Variants in MINK1 observed in about 807,000 individuals in gnomAD.
The protein encoded by MINK1 is misshapen-like kinase 1.
Under a neutral mutation model 178.4 loss-of-function variants are expected in MINK1, and 46 were observed. The ratio of observed to expected loss-of-function variants is 0.26; its 90% CI spans 0.20 to 0.33. The LOEUF (loss-of-function observed/expected upper bound fraction) is 0.33. MINK1 is among the 10% of genes least tolerant of loss of function. The probability of loss-of-function intolerance (pLI) is 1.00; values close to 1 mark genes in which losing one functional copy is unlikely to be tolerated. For missense variants in MINK1, 1,366 were observed against 1,814.9 expected, an observed-to-expected ratio of 0.75 and a Z score of 4.49; for synonymous variants, 797 against 709.7, an observed-to-expected ratio of 1.12 and a Z score of -1.96.
At chr17:4,869,968 C>T (rs1382244085) in intron 1 of MINK1, among the ~76,000 whole-genome samples, 2 of 149,456 alleles carry the variant, frequency 1.3e-5, no homozygotes, top group East Asian at 3.9e-4. Flanking sequence ...AATGCAGTGG[C>T]GTGAACTCAG....
rs1358960432 is a variant in MINK1 at position 4,889,729 on chromosome 17, GGGA to G, written c.1321_1323del (p.Glu441del). Reference sequence around the variant, plus strand: ...CTGGAGGACATGCAGGCTCTGCGGCGGGAGGAGGAGCGGCGGCAGGCGGAGCGC... The same window carrying G: ...CTGGAGGACATGCAGGCTCTGCGGCGGGAGGAGCGGCGGCAGGCGGAGCGC... On this transcript the variant is annotated inframe_deletion, in exon 13 of 32. Coordinates refer to ENST00000355280, the MANE Select transcript of MINK1 (RefSeq NM_153827.5). The G allele has an allele frequency of 6.5e-7, 1 of 1,549,026 alleles. No individual in the cohort carries two copies. The highest frequency in any genetic ancestry group is 2.4e-5 in the East Asian group (1 of 41,202).
At position 4,895,531 on chromosome 17, in the gene MINK1, A is replaced by G. The variant is rs745484259; in HGVS notation, c.3229+38A>G. 3.2e-6 allele frequency: 5 copies of G among 1,554,184 alleles called. No individual in the cohort carries two copies. The highest frequency in any genetic ancestry group is 4.4e-6 in the Non-Finnish European group (5 of 1,146,134). On this transcript the variant is annotated intron_variant, in intron 26 of 31. Coordinates refer to ENST00000355280, the MANE Select transcript of MINK1 (RefSeq NM_153827.5). The surrounding 1 kb of genome is among the most constrained non-coding windows in gnomAD (Gnocchi z 4.3). Reference sequence around the variant, plus strand: ...TGAGTGGGGGAGGGAGGAGGGGCTCAGCTCCTTGGCGCTGTCACCATCTTC... The same window carrying G: ...TGAGTGGGGGAGGGAGGAGGGGCTCGGCTCCTTGGCGCTGTCACCATCTTC...
chr17:4,897,156 A>AC (rs535101918), intron 31 of MINK1, 48 bp from the exon 32 acceptor site: 289 of 1,512,804 alleles, frequency 1.9e-4, no homozygotes, highest in East Asian at 5.0e-4. Flanking sequence ...CAGTTGAGAC[A>AC]CCCCCCCAAC....
chr17:4,891,044 G>C lies in MINK1; in HGVS notation c.1660G>C (p.Ala554Pro), dbSNP rs539350895. ...GGGGCCTGAGCCCCCCATCCCCCAG[G>C]CCTCCCCAGGGCCCCCAGGACCCCT... ...STGPEPPIPQ[A>P]SPGPPGPLSQ... Residue 554 changes from alanine to proline, a missense_variant, in exon 15 of 32, where the codon GCC becomes CCC. By Grantham distance (27) the Ala-to-Pro change is conservative. This residue lies in a region of MINK1 where 709 missense variants were observed against 692.3 expected (regional missense o/e 1.02). Coordinates refer to ENST00000355280, the MANE Select transcript of MINK1 (RefSeq NM_153827.5). 69 of 1,555,632 alleles carry C rather than the reference G, an allele frequency of 4.4e-5. No homozygotes were observed. In the East Asian group the frequency reaches 1.2e-3, roughly 27 times the overall value.
At chr17:4,844,228 T>C (rs1445997941) in intron 1 of MINK1, among the ~76,000 whole-genome samples, 1 of 152,114 alleles carries the variant, frequency 6.6e-6, no homozygotes, top group African/African-American at 2.4e-5. Flanking sequence ...CTCGAACTCC[T>C]GACCTCAGGT....
intron 1 of MINK1, among the ~76,000 whole-genome samples, chr17:4,835,635 CAAAACAAAACAAAAA>C (rs1382817948): frequency 4.0e-5 from 6 of 151,450 alleles, no homozygotes; most frequent in Admixed American, 3.9e-4. Context: ...TTAAACAAAA[CAAAACAAAACAAAAA>C]AACGGGGCGG....
Position 4,885,707 on chromosome 17 carries a change from G to T in MINK1, c.639+94G>T. On this transcript the variant is annotated intron_variant, in intron 7 of 31. Transcript: ENST00000355280. The surrounding 1 kb of genome is among the most constrained non-coding windows in gnomAD (Gnocchi z 5.0). ...TGAGCAGGCTGGGGAACAGAGGAAG[G>T]TCAGATGATGTTAGCAGTGAGGGGC... 6.5e-7 allele frequency: 1 copy of T among 1,538,522 alleles called. No individual in the cohort carries two copies. Among genetic ancestry groups the T allele is most frequent in the Admixed American group, 1.8e-5 (1 of 55,222 alleles).
In MINK1 at chr17:4,886,157, C is replaced by T; in HGVS notation, c.732C>T (p.Leu244=). Residue 244 remains leucine (L), a synonymous_variant, in exon 9 of 32, where the codon CTC becomes CTT. Transcript: ENST00000355280. The surrounding 1 kb of genome is among the most constrained non-coding windows in gnomAD (Gnocchi z 6.1). ...CDMHPMRALF[L]IPRNPPPRLK... is the part of the protein sequence containing the mutation. ...TGCACCCCATGCGAGCCCTCTTCCT[C>T]ATTCCTCGGAACCCTCCGCCCAGGC... 1 of 1,614,002 alleles carries T rather than the reference C, an allele frequency of 6.2e-7. No homozygotes were observed. Among genetic ancestry groups the T allele is most frequent in the Non-Finnish European group, 8.5e-7 (1 of 1,179,890 alleles).
rs1172194040 is a variant in MINK1 at position 4,896,588 on chromosome 17, GGTGA to G, written c.3775+6_3775+9del. 36 of 1,613,808 alleles carry G rather than the reference GGTGA, an allele frequency of 2.2e-5. No homozygotes were observed. The East Asian group carries it at 4.5e-4, about 20-fold the overall frequency. ...GTGGGGGGAGATGCCTACTTCTGTG[GGTGA>G]GTGAGCTGCCGCCCTCCCAGCCACA... On this transcript the variant is annotated splice_donor_variant and splice_donor_region_variant and intron_variant, in intron 30 of 31. Transcript: ENST00000355280. LOFTEE classifies it high-confidence loss of function. This position sits in a 1 kb window ranked among gnomAD's most constrained non-coding sequence, Gnocchi z 4.6.
intron 1 of MINK1, among the ~76,000 whole-genome samples, chr17:4,871,783 C>CT (rs1324249991): frequency 6.6e-6 from 1 of 152,178 alleles, no homozygotes; most frequent in Non-Finnish European, 1.5e-5. Flanking sequence ...ATTTTACATT[C>CT]CCAGCAGCAG....
At chr17:4,891,398 C>G (rs532751964) in intron 15 of MINK1, 58 bp from the exon 16 acceptor site, 1 of 1,506,138 alleles carries the variant, frequency 6.6e-7, no homozygotes, top group East Asian at 2.3e-5. Context: ...GACCCCAATT[C>G]GCAGGTGGGG....
chr17:4,844,424 A>G (rs949222971), intron 1 of MINK1, among the ~76,000 whole-genome samples: 1 of 152,188 alleles, frequency 6.6e-6, no homozygotes, highest in African/African-American at 2.4e-5. Flanking sequence ...GACTTTTGGA[A>G]TATGGCCTGT....
In MINK1 at chr17:4,896,971, T is replaced by A; in HGVS notation, c.3915+158T>A. The stretch of plus-strand genomic sequence containing the variant: ...GTCAGCCACTACCACTGCCCTGCGC[T>A]CCCTTCAGATTCCGAGGACTTCCCA... On this transcript the variant is annotated intron_variant, in intron 31 of 31. Transcript: ENST00000355280. This position sits in a 1 kb window ranked among gnomAD's most constrained non-coding sequence, Gnocchi z 4.6. 9.1e-7 allele frequency: 1 copy of A among 1,092,922 alleles called. No homozygotes were observed. Among genetic ancestry groups the A allele is most frequent in the Non-Finnish European group, 1.3e-6 (1 of 777,156 alleles). The allele number at this position is 1,092,922 out of a possible 1,614,324, so 67.7% of individuals were successfully genotyped here.
At chr17:4,835,700 T>C (rs912244961) in intron 1 of MINK1, among the ~76,000 whole-genome samples, 2 of 152,186 alleles carry the variant, frequency 1.3e-5, no homozygotes, top group African/African-American at 4.8e-5. Flanking sequence ...TGTGGGACTC[T>C]GCTTGGGTTT....
intron 1 of MINK1, chr17:4,859,034 G>A (rs529136088): frequency 2.7e-6 from 2 of 732,214 alleles, no homozygotes; most frequent in East Asian, 2.6e-4. Flanking sequence ...TTCCTGTCAG[G>A]GGTAGGATGG....
Position 4,897,208 on chromosome 17 carries a change from T to C in MINK1, c.3920T>C (p.Phe1307Ser). Residue 1307 changes from phenylalanine (F) to serine (S), a missense_variant, in exon 32 of 32, where the codon TTT (phenylalanine) becomes TCT (serine). Phe to Ser is a radical substitution (Grantham distance 155). Transcript: ENST00000355280. Reference sequence around the variant, plus strand: ...TTCTTCTCCTGCCCCACCCAGGTGTTTTTTGCCTCAGTCCGCTCTGGGGGC... The same window carrying C: ...TTCTTCTCCTGCCCCACCCAGGTGTCTTTTGCCTCAGTCCGCTCTGGGGGC... The part of the protein sequence containing the change: ...KFLCERNDKV[F>S]FASVRSGGSS... The C allele has an allele frequency of 6.2e-7, 1 of 1,613,398 alleles. No individual in the cohort carries two copies. Among genetic ancestry groups the C allele is most frequent in the Non-Finnish European group, 8.5e-7 (1 of 1,179,618 alleles).
rs765976952 is a variant in MINK1 at position 4,890,953 on chromosome 17, A to G, written c.1569A>G (p.Val523=). ...PADKPAWARE[V]EERTRMNKQQ... The stretch of plus-strand genomic sequence containing the variant: ...CTTGACATCCCTTCACATCACAGGT[A>G]GAAGAGAGAACAAGGATGAACAAGC... Residue 523 remains valine, a splice_region_variant and synonymous_variant, in exon 15 of 32, where the codon GTA becomes GTG. Coordinates refer to ENST00000355280, the MANE Select transcript of MINK1 (RefSeq NM_153827.5). 4.4e-5 allele frequency: 69 copies of G among 1,554,864 alleles called. No individual in the cohort carries two copies. Among genetic ancestry groups the G allele is most frequent in the Non-Finnish European group, 5.8e-5 (67 of 1,148,948 alleles).
In MINK1 at chr17:4,894,645, AG is replaced by A; in HGVS notation, c.2917+14del. 6.3e-7 allele frequency: 1 copy of A among 1,582,606 alleles called. No homozygotes were observed. Among genetic ancestry groups the A allele is most frequent in the South Asian group, 1.1e-5 (1 of 87,656 alleles). ...CATCCCCATCACAGGTGAGGACAGGAGGACAGACCTGCTGTGAGGCCAGGGT... is the reference window on the plus strand; with the variant it reads ...CATCCCCATCACAGGTGAGGACAGGAGACAGACCTGCTGTGAGGCCAGGGT... On this transcript the variant is annotated intron_variant, in intron 24 of 31. Transcript: ENST00000355280. The surrounding 1 kb of genome is among the most constrained non-coding windows in gnomAD (Gnocchi z 4.1).
At chr17:4,857,058 A>G in intron 1 of MINK1, 1 of 188,152 alleles carries the variant, frequency 5.3e-6, no homozygotes, top group Non-Finnish European at 1.1e-5. Context: ...CCCCACGATG[A>G]CGATGGCAAA....
Sources: allele counts gnomAD v4.1 joint callset (sites outside exome capture counted in the v4.1 genomes callset), GRCh38; gene constraint gnomAD v4.1.1; regional missense constraint gnomAD v4.1.1; non-coding constraint Gnocchi (gnomAD v3.1); transcripts MANE v1.5; gene names NCBI Gene and HGNC (gene_info 2026-07-23, HGNC 2026-07-21).